The following SNCB variants were observed in gnomAD, a reference collection of about 807,000 sequenced individuals.
SNCB encodes synuclein beta.
In SNCB, 8 loss-of-function variants were observed where a neutral mutation model predicts 20.0. The observed-to-expected ratio is 0.40, with a 90% CI of 0.24 to 0.72. The LOEUF is 0.72. SNCB is among the 30% of genes least tolerant of loss of function. The probability of loss-of-function intolerance (pLI) is 0.37; values close to 1 mark genes in which losing one functional copy is unlikely to be tolerated. For missense variants in SNCB, 125 were observed against 168.0 expected, an observed-to-expected ratio of 0.74 and a Z score of 1.41; for synonymous variants, 56 against 65.4, an observed-to-expected ratio of 0.86 and a Z score of 0.69.
In SNCB at chr5:176,621,756, C is replaced by T. The variant is rs1007421764; in HGVS notation, c.283-453G>A. On this transcript the variant is annotated intron_variant, in intron 4 of 5. Transcript: ENST00000393693. The surrounding 1 kb of genome is among the most constrained non-coding windows in gnomAD (Gnocchi z 4.1). The stretch of plus-strand genomic sequence containing the variant: ...CGCCACCTTCCACTCATCCCTCCCC[C>T]GGGCCCTGTGTGGCCTCGTTTCTTC... Among the ~76,000 whole-genome samples, 1 of 152,240 alleles carries T rather than the reference C, an allele frequency of 6.6e-6. No individual in the cohort carries two copies. Among genetic ancestry groups the T allele is most frequent in the Non-Finnish European group, 1.5e-5 (1 of 68,038 alleles).
At chr5:176,624,812 A>C (rs573712180) in intron 4 of SNCB, among the ~76,000 whole-genome samples, 16 of 151,398 alleles carry the variant, frequency 1.1e-4, no homozygotes, top group Admixed American at 1.3e-4. Context: ...CAAAAAAAAA[A>C]AAAAACAAAA....
At chr5:176,623,852 A>C (rs901415872) in intron 4 of SNCB, among the ~76,000 whole-genome samples, 1 of 152,120 alleles carries the variant, frequency 6.6e-6, no homozygotes, top group Non-Finnish European at 1.5e-5. Flanking sequence ...AAACAAACAA[A>C]CAACCCCAGC....
rs957336249 is a variant in SNCB at position 176,621,821 on chromosome 5, G to C, written c.283-518C>G. ...TAAGATAAGCTGGAAGCCACAGCTC[G>C]TGGTGTTGCTTGGATGTGTGAGCTA... is the stretch of plus-strand genomic sequence containing the variant. On this transcript the variant is annotated intron_variant, in intron 4 of 5. Transcript: ENST00000393693. The surrounding 1 kb of genome is among the most constrained non-coding windows in gnomAD (Gnocchi z 4.1). Among the ~76,000 whole-genome samples the C allele has an allele frequency of 2.6e-5, 4 of 152,188 alleles. No homozygotes were observed. The highest frequency in any genetic ancestry group is 2.1e-4 in the South Asian group (1 of 4,836).
Position 176,629,317 on chromosome 5 carries a change from G to GC in SNCB, c.121+216dup. ...ACTGGTCCCTGGCCTTTCAGCTGGA[G>GC]CCCCCCACCTCATCAGCCCGCCCCG... is the stretch of plus-strand genomic sequence containing the variant. On this transcript the variant is annotated intron_variant, in intron 2 of 5. Coordinates refer to ENST00000393693, the MANE Select transcript of SNCB (RefSeq NM_003085.5). The surrounding 1 kb of genome is among the most constrained non-coding windows in gnomAD (Gnocchi z 4.1). 8.5e-6 allele frequency: 5 copies of GC among 586,808 alleles called. No homozygotes were observed. The highest frequency in any genetic ancestry group is 1.2e-5 in the Non-Finnish European group (4 of 329,148). The allele number at this position is 586,808 out of a possible 1,614,324, so 36.4% of individuals were successfully genotyped here. A position where few individuals can be genotyped will look rare whatever the true frequency, so the allele number is the denominator to read the frequency against.
Position 176,626,346 on chromosome 5 carries a change from GT to G in SNCB, c.282+51del. 4 of 1,051,184 alleles carry G rather than the reference GT, an allele frequency of 3.8e-6. No homozygotes were observed. The highest frequency in any genetic ancestry group is 6.0e-6 in the Non-Finnish European group (4 of 670,326). The allele number at this position is 1,051,184 out of a possible 1,614,324, so 65.1% of individuals were successfully genotyped here. A position where few individuals can be genotyped will look rare whatever the true frequency, so the allele number is the denominator to read the frequency against. On this transcript the variant is annotated intron_variant, in intron 4 of 5. Transcript: ENST00000393693. This position sits in a 1 kb window ranked among gnomAD's most constrained non-coding sequence, Gnocchi z 4.2. ...TTATTTGTGTGCCTGGTGTGTGTGT[GT>G]GTGTGTGTGTGTGTGTTTGCCTGCA...
chr5:176,629,753 G>A lies in SNCB; in HGVS notation c.-9-90C>T. The A allele has an allele frequency of 2.0e-6, 3 of 1,502,864 alleles. No homozygotes were observed. Among genetic ancestry groups the A allele is most frequent in the South Asian group, 2.6e-5 (2 of 77,106 alleles). 93.1% of individuals were successfully genotyped at this position (1,502,864 alleles called of 1,614,324 possible). On this transcript the variant is annotated intron_variant, in intron 1 of 5. Transcript: ENST00000393693. This position sits in a 1 kb window ranked among gnomAD's most constrained non-coding sequence, Gnocchi z 4.1. ...GGGACGCAGATGCCCCCCTACTCCC[G>A]AGACCGCGGCGCCCTTCTGGACCCT...
chr5:176,620,990 G>T lies in SNCB; in HGVS notation c.373-147C>A. On this transcript the variant is annotated intron_variant, in intron 5 of 5. Transcript: ENST00000393693. This position sits in a 1 kb window ranked among gnomAD's most constrained non-coding sequence, Gnocchi z 4.5. Reference sequence around the variant, plus strand: ...TCCTGGGCAGGGGAGGAGCCTGGAAGTTGGGGACAACAGAGAATTCTTGGG... The same window carrying T: ...TCCTGGGCAGGGGAGGAGCCTGGAATTTGGGGACAACAGAGAATTCTTGGG... The T allele has an allele frequency of 1.2e-6, 1 of 823,260 alleles. No individual in the cohort carries two copies. The highest frequency in any genetic ancestry group is 2.1e-6 in the Non-Finnish European group (1 of 485,838). The allele number at this position is 823,260 out of a possible 1,614,324, so 51.0% of individuals were successfully genotyped here. A position where few individuals can be genotyped will look rare whatever the true frequency, so the allele number is the denominator to read the frequency against.
intron 4 of SNCB, among the ~76,000 whole-genome samples, chr5:176,625,287 C>T (rs890995049): frequency 2.0e-5 from 3 of 152,198 alleles, no homozygotes; most frequent in African/African-American, 7.2e-5. Context: ...CGGCATCAAC[C>T]TCACCCGGGT....
chr5:176,627,048 T>C (rs1760006570), intron 2 of SNCB, among the ~76,000 whole-genome samples: 1 of 152,252 alleles, frequency 6.6e-6, no homozygotes. Context: ...CCTGCCCCGC[T>C]GCACTTCACT....
In SNCB at chr5:176,626,270, C is replaced by T; in HGVS notation, c.282+128G>A. ...GCCTGCAGGATGGGAGGCAAAGTGG[C>T]TTGTGTTCCAAGCTGGTGGCAGGAT... is the stretch of plus-strand genomic sequence containing the variant. On this transcript the variant is annotated intron_variant, in intron 4 of 5. Coordinates refer to ENST00000393693, the MANE Select transcript of SNCB (RefSeq NM_003085.5). This position sits in a 1 kb window ranked among gnomAD's most constrained non-coding sequence, Gnocchi z 4.2. The T allele has an allele frequency of 2.5e-6, 2 of 795,154 alleles. No homozygotes were observed. The highest frequency in any genetic ancestry group is 4.4e-6 in the Non-Finnish European group (2 of 449,844). The allele number at this position is 795,154 out of a possible 1,614,324, so 49.3% of individuals were successfully genotyped here.
At position 176,625,278 on chromosome 5, in the gene SNCB, G is replaced by A. The variant is rs114852365; in HGVS notation, c.282+1120C>T. Among the ~76,000 whole-genome samples the A allele has an allele frequency of 5.3e-3, 802 of 152,228 alleles. 7 individuals carry two copies. The highest frequency in any genetic ancestry group is 0.018 in the African/African-American group (764 of 41,526). On this transcript the variant is annotated intron_variant, in intron 4 of 5. Coordinates refer to ENST00000393693, the MANE Select transcript of SNCB (RefSeq NM_003085.5). ...CTCATAGTATGCTCCCTGGAACTGCGGCATCAACCTCACCCGGGTACTTGT... is the reference window on the plus strand; with the variant it reads ...CTCATAGTATGCTCCCTGGAACTGCAGCATCAACCTCACCCGGGTACTTGT...
chr5:176,626,009 G>A lies in SNCB; in HGVS notation c.282+389C>T, dbSNP rs1759915730. 6.6e-6 allele frequency among the ~76,000 whole-genome samples: 1 copy of A among 152,168 alleles called. No homozygotes were observed. The highest frequency in any genetic ancestry group is 1.5e-5 in the Non-Finnish European group (1 of 68,022). On this transcript the variant is annotated intron_variant, in intron 4 of 5. Transcript: ENST00000393693. The surrounding 1 kb of genome is among the most constrained non-coding windows in gnomAD (Gnocchi z 4.2). ...CCACTACAATGTCAGCTGCAGGAAC[G>A]TAGGAACCTATTCACTGCGGCAGCC...
In SNCB at chr5:176,621,530, G is replaced by A. The variant is rs1277944235; in HGVS notation, c.283-227C>T. Reference sequence around the variant, plus strand: ...AAGTGGCAGCATGGAGTGGGAGCTGGCTCTCCACGCCGCTCCCCCAATGCC... The same window carrying A: ...AAGTGGCAGCATGGAGTGGGAGCTGACTCTCCACGCCGCTCCCCCAATGCC... On this transcript the variant is annotated intron_variant, in intron 4 of 5. Coordinates refer to ENST00000393693, the MANE Select transcript of SNCB (RefSeq NM_003085.5). This position sits in a 1 kb window ranked among gnomAD's most constrained non-coding sequence, Gnocchi z 4.1. Among the ~76,000 whole-genome samples the A allele has an allele frequency of 6.6e-6, 1 of 152,204 alleles. No homozygotes were observed. The highest frequency in any genetic ancestry group is 1.5e-5 in the Non-Finnish European group (1 of 68,038).
At position 176,622,109 on chromosome 5, in the gene SNCB, G is replaced by A. The variant is rs115004033; in HGVS notation, c.283-806C>T. ...GCTGGGGAAAGCCTGCCCTGACCAC[G>A]TCTGCACCCTGGGTGTCCCAGCTCC... On this transcript the variant is annotated intron_variant, in intron 4 of 5. Coordinates refer to ENST00000393693, the MANE Select transcript of SNCB (RefSeq NM_003085.5). Among the ~76,000 whole-genome samples the A allele has an allele frequency of 5.6e-3, 846 of 152,378 alleles. 6 individuals carry two copies. The highest frequency in any genetic ancestry group is 0.016 in the African/African-American group (666 of 41,588).
chr5:176,626,623 A>T lies in SNCB; in HGVS notation c.163+97T>A. 1 of 1,533,936 alleles carries T rather than the reference A, an allele frequency of 6.5e-7. No homozygotes were observed. The highest frequency in any genetic ancestry group is 9.0e-7 in the Non-Finnish European group (1 of 1,107,288). On this transcript the variant is annotated intron_variant, in intron 3 of 5. Coordinates refer to ENST00000393693, the MANE Select transcript of SNCB (RefSeq NM_003085.5). This position sits in a 1 kb window ranked among gnomAD's most constrained non-coding sequence, Gnocchi z 4.2. ...TGCCCTCCCCACGGAGCATTCCCGC[A>T]GAAGCCTTGGGAGTCTCCCCCGCCC...
intron 4 of SNCB, among the ~76,000 whole-genome samples, chr5:176,623,598 A>G (rs1195053896): frequency 6.6e-6 from 1 of 152,134 alleles, no homozygotes; most frequent in Non-Finnish European, 1.5e-5. Flanking sequence ...AGGGGTCACA[A>G]GGTGGGGTCC....
rs1391369645 is a variant in SNCB, at chr5:176,630,383, A to C, written c.-113T>G. 1 of 152,350 alleles carries C rather than the reference A, an allele frequency of 6.6e-6. No homozygotes were observed. Among genetic ancestry groups the C allele is most frequent in the Non-Finnish European group, 1.5e-5 (1 of 68,240 alleles). The allele number at this position is 152,350 out of a possible 1,614,324, so 9.4% of individuals were successfully genotyped here. A position where few individuals can be genotyped will look rare whatever the true frequency, so the allele number is the denominator to read the frequency against. On this transcript the variant is annotated 5_prime_UTR_variant, in exon 1 of 6. Coordinates refer to ENST00000393693, the MANE Select transcript of SNCB (RefSeq NM_003085.5). ...GTGGACCAGGGGCCGGAGGGGGGATAGGGCCGGGATCAGGCGCTCGGGTCG... is the reference window on the plus strand; with the variant it reads ...GTGGACCAGGGGCCGGAGGGGGGATCGGGCCGGGATCAGGCGCTCGGGTCG...
At chr5:176,622,489 C>CAACAAAACAA (rs59319062) in intron 4 of SNCB, among the ~76,000 whole-genome samples, 40,195 of 149,428 alleles carry the variant, frequency 0.27, 5,972 homozygotes, top group African/African-American at 0.39. Flanking sequence ...GACTCCATCT[C>CAACAAAACAA]AACAAAACAA....
chr5:176,620,660 C>A lies in SNCB; in HGVS notation c.*151G>T. On this transcript the variant is annotated 3_prime_UTR_variant, in exon 6 of 6. Transcript: ENST00000393693. This position sits in a 1 kb window ranked among gnomAD's most constrained non-coding sequence, Gnocchi z 4.5. Reference sequence around the variant, plus strand: ...CGGGCGGGTAGGACAGACAGATGGACAGACACTAACACAGGCTCCGAGGGG... The same window carrying A: ...CGGGCGGGTAGGACAGACAGATGGAAAGACACTAACACAGGCTCCGAGGGG... The A allele has an allele frequency of 1.4e-6, 1 of 713,470 alleles. No homozygotes were observed. The highest frequency in any genetic ancestry group is 2.5e-6 in the Non-Finnish European group (1 of 393,020). The allele number at this position is 713,470 out of a possible 1,614,324, so 44.2% of individuals were successfully genotyped here.
Sources: gnomAD v4.1 joint callset for allele counts (sites outside exome capture counted in the v4.1 genomes callset) on GRCh38, gnomAD v4.1.1 for gene constraint, Gnocchi (gnomAD v3.1) non-coding constraint, MANE v1.5 for transcripts, NCBI Gene and HGNC (gene_info 2026-07-23, HGNC 2026-07-21) for gene names.